The following HERC2 variants were observed in gnomAD, a reference collection of about 807,000 sequenced individuals.
HERC2 encodes HECT and RLD domain containing E3 ubiquitin protein ligase 2.
Under a neutral mutation model 537.7 loss-of-function variants are expected in HERC2, and 102 were observed. That is an observed-to-expected ratio of 0.19 (90% CI 0.16 to 0.22). The LOEUF is 0.22. Ranked by LOEUF, HERC2 falls within the 10% of genes least tolerant of loss-of-function variation. The pLI, the probability that HERC2 is intolerant of heterozygous loss-of-function variation, is 1.00. For missense variants in HERC2, 4,236 were observed against 6,198.2 expected, an observed-to-expected ratio of 0.68 and a Z score of 10.63; for synonymous variants, 2,224 against 2,466.2, an observed-to-expected ratio of 0.90 and a Z score of 2.91.
rs1288021750 is a variant in HERC2, at chr15:28,202,340, G to A, written c.7480+7C>T. Reference sequence around the variant, plus strand: ...ATACACAAGCAGAGGCCAGGAAAACGAAGTACCAGGCAAGCTGGATGCATT... The same window carrying A: ...ATACACAAGCAGAGGCCAGGAAAACAAAGTACCAGGCAAGCTGGATGCATT... On this transcript the variant is annotated splice_region_variant and intron_variant, in intron 46 of 92. Transcript: ENST00000261609. 24 of 1,613,682 alleles carry A rather than the reference G, an allele frequency of 1.5e-5. No homozygotes were observed. Among genetic ancestry groups the A allele is most frequent in the South Asian group, 2.2e-5 (2 of 91,070 alleles).
At chr15:28,245,269 G>A (rs1262923950) in intron 23 of HERC2, among the ~76,000 whole-genome samples, 9 of 152,122 alleles carry the variant, frequency 5.9e-5, no homozygotes, top group South Asian at 2.1e-4. Context: ...AAATATAGCC[G>A]GGCGCAGTGG....
rs1890555153 is a variant in HERC2, at chr15:28,135,596, A to G, written c.12112T>C (p.Phe4038Leu). The G allele has an allele frequency of 5.0e-6, 8 of 1,614,052 alleles. No homozygotes were observed. Among genetic ancestry groups the G allele is most frequent in the Non-Finnish European group, 6.8e-6 (8 of 1,180,020 alleles). ...GAGTTCACAGCTACTTTCTTAATAA[A>G]CACATGCTGAATGGATTCAAGCAAT... ...PTLLESIQHV[F>L]IKKVAVNSGG... The change falls in exon 79 of 93, where the codon TTT (phenylalanine) becomes CTT (leucine). Residue 4038 changes from phenylalanine (F) to leucine (L), a missense_variant. Transcript: ENST00000261609.
At chr15:28,141,876 C>G in intron 76 of HERC2, 30 bp from the exon 77 acceptor site, 1 of 1,497,176 alleles carries the variant, frequency 6.7e-7, no homozygotes, top group Non-Finnish European at 9.3e-7. Context: ...TGTTACAAAT[C>G]AAACACTTAT....
rs7165158 is a variant in HERC2, at chr15:28,152,666, A to T, written c.10900+11T>A. The T allele has an allele frequency of 1.3e-6, 2 of 1,536,634 alleles. No homozygotes were observed. Among genetic ancestry groups the T allele is most frequent in the Non-Finnish European group, 1.8e-6 (2 of 1,137,610 alleles). ...AAGGCTGCAGCTCCCCGCTGGGGCC[A>T]GCCCCTGTACCTGGTATCTTCACTG... On this transcript the variant is annotated intron_variant, in intron 70 of 92. Coordinates refer to ENST00000261609, the MANE Select transcript of HERC2 (RefSeq NM_004667.6).
chr15:28,210,775 G>T (rs1460859207), intron 44 of HERC2, among the ~76,000 whole-genome samples: 1 of 152,072 alleles, frequency 6.6e-6, no homozygotes, highest in African/African-American at 2.4e-5. Flanking sequence ...AAATGGGAAG[G>T]CATGAAAATA....
At chr15:28,165,194 A>G (rs1194703280) in intron 68 of HERC2, among the ~76,000 whole-genome samples, 1 of 152,156 alleles carries the variant, frequency 6.6e-6, no homozygotes, top group Non-Finnish European at 1.5e-5. Context: ...GGAGGGCCAG[A>G]GGTCACGTAG....
At chr15:28,114,078 C>T (rs1231349591) in intron 90 of HERC2, among the ~76,000 whole-genome samples, 1 of 152,218 alleles carries the variant, frequency 6.6e-6, no homozygotes, top group African/African-American at 2.4e-5. Flanking sequence ...CAGGACTACC[C>T]CCACCAGAGC....
At chr15:28,219,530 C>T (rs965355604) in intron 37 of HERC2, among the ~76,000 whole-genome samples, 2 of 152,208 alleles carry the variant, frequency 1.3e-5, no homozygotes, top group African/African-American at 4.8e-5. Flanking sequence ...AACAGGCCTA[C>T]GCAGTAGGGA....
intron 69 of HERC2, among the ~76,000 whole-genome samples, chr15:28,157,810 C>A (rs1165846637): frequency 6.6e-6 from 1 of 152,122 alleles, no homozygotes; most frequent in East Asian, 1.9e-4. Flanking sequence ...TCTTGCTTCT[C>A]TAGTTCTTTT....
chr15:28,141,719 T>TA lies in HERC2; in HGVS notation c.11816+11dup, dbSNP rs756470889. 3.1e-6 allele frequency: 5 copies of TA among 1,612,396 alleles called. No homozygotes were observed. In the South Asian group the frequency reaches 3.3e-5, roughly 11 times the overall value. On this transcript the variant is annotated intron_variant, in intron 77 of 92. Coordinates refer to ENST00000261609, the MANE Select transcript of HERC2 (RefSeq NM_004667.6). ...CACGATCGACATTACTGCTTGTTTCTAATATAATAACCTGTTCATCCACTG... is the reference window on the plus strand; with the variant it reads ...CACGATCGACATTACTGCTTGTTTCTAAATATAATAACCTGTTCATCCACTG...
At position 28,268,141 on chromosome 15, in the gene HERC2, A is replaced by T. The variant is rs1243578448; in HGVS notation, c.1598+324T>A. Among the ~76,000 whole-genome samples the T allele has an allele frequency of 1.3e-5, 2 of 152,216 alleles. No individual in the cohort carries two copies. The highest frequency in any genetic ancestry group is 4.8e-5 in the African/African-American group (2 of 41,458). Reference sequence around the variant, plus strand: ...AACCTTATCTATGAGAGACAGGGTGAACTGTTTGTGAATGAAGGAACAGTG... The same window carrying T: ...AACCTTATCTATGAGAGACAGGGTGTACTGTTTGTGAATGAAGGAACAGTG... On this transcript the variant is annotated intron_variant, in intron 12 of 92. Coordinates refer to ENST00000261609, the MANE Select transcript of HERC2 (RefSeq NM_004667.6). The surrounding 1 kb of genome is among the most constrained non-coding windows in gnomAD (Gnocchi z 4.7).
At chr15:28,315,409 G>A (rs1297836825) in intron 2 of HERC2, among the ~76,000 whole-genome samples, 1 of 152,268 alleles carries the variant, frequency 6.6e-6, no homozygotes, top group Non-Finnish European at 1.5e-5. Context: ...AACCAAGAGG[G>A]ACAGAGAGAG....
At chr15:28,290,163 C>T (rs1469497236) in intron 4 of HERC2, among the ~76,000 whole-genome samples, 1 of 152,198 alleles carries the variant, frequency 6.6e-6, no homozygotes, top group Admixed American at 6.5e-5. Flanking sequence ...CAAACTAATG[C>T]AGTAAGCCAA....
intron 68 of HERC2, among the ~76,000 whole-genome samples, chr15:28,167,299 C>T (rs529168961): frequency 2.0e-5 from 3 of 152,310 alleles, no homozygotes; most frequent in South Asian, 4.2e-4. Flanking sequence ...GAATTCTGCA[C>T]CGTTCCTGTG....
chr15:28,124,952 G>A (rs1889314504), intron 84 of HERC2, 54 bp downstream of exon 84: 3 of 1,511,796 alleles, frequency 2.0e-6, no homozygotes, highest in African/African-American at 1.4e-5. Flanking sequence ...GATGCAGCAT[G>A]TGACAGGAGC....
chr15:28,306,616 A>AT, intron 2 of HERC2, among the ~76,000 whole-genome samples: 1 of 151,844 alleles, frequency 6.6e-6, no homozygotes, highest in East Asian at 1.9e-4. Context: ...CTCCTCCTCT[A>AT]TTTTTCAGAA....
Position 28,144,802 on chromosome 15 carries a change from G to C in HERC2, c.11011C>G (p.Arg3671Gly). 1.9e-6 allele frequency: 3 copies of C among 1,614,084 alleles called. No individual in the cohort carries two copies. Among genetic ancestry groups the C allele is most frequent in the Non-Finnish European group, 2.5e-6 (3 of 1,180,028 alleles). ...TCGCTGGACCAGTCGGACCACTCTC[G>C]GCCTGCGGGAGGAAAGCGCACCCCG... ...VNRIVSVRSGREWSDWSSELR... is the reference protein window; with the variant it reads ...VNRIVSVRSGGEWSDWSSELR... Residue 3671 changes from arginine to glycine, a missense_variant and splice_region_variant, in exon 72 of 93, where the codon CGA becomes GGA. By Grantham distance (125) the Arg-to-Gly change is moderately radical (BLOSUM62 -2). Coordinates refer to ENST00000261609, the MANE Select transcript of HERC2 (RefSeq NM_004667.6).
At chr15:28,283,275 CCAAAAAA>C (rs1037081543) in intron 4 of HERC2, among the ~76,000 whole-genome samples, 1 of 152,022 alleles carries the variant, frequency 6.6e-6, no homozygotes, top group Non-Finnish European at 1.5e-5. Context: ...TAATCAAACT[CCAAAAAA>C]CAAAAGACAA....
At chr15:28,150,252 G>A (rs58793311) in intron 70 of HERC2, among the ~76,000 whole-genome samples, 5,604 of 145,206 alleles carry the variant, frequency 0.039, 330 homozygotes, top group African/African-American at 0.13. Context: ...TAAAATTACC[G>A]AAGAAACACA....
Sources: gnomAD v4.1 joint callset for allele counts (sites outside exome capture counted in the v4.1 genomes callset) on GRCh38, gnomAD v4.1.1 for gene constraint, Gnocchi (gnomAD v3.1) non-coding constraint, MANE v1.5 for transcripts, NCBI Gene and HGNC (gene_info 2026-07-23, HGNC 2026-07-21) for gene names.